The following CNIH4 variants were observed in gnomAD, a reference collection of about 807,000 sequenced individuals.
The protein encoded by CNIH4 is protein cornichon homolog 4.
CNIH4 carries 9 observed loss-of-function variants against 21.5 expected under a neutral mutation model. The observed-to-expected ratio is 0.42, with a 90% CI of 0.25 to 0.73. CNIH4 has a LOEUF of 0.73. Among genes scored for constraint, CNIH4 ranks in the 30% least tolerant of loss-of-function variants. CNIH4 has a pLI of 0.27. For synonymous variants in CNIH4, 67 were observed against 59.1 expected (o/e 1.13, Z -0.61); for missense variants, 159 against 170.0 (o/e 0.94, Z 0.36).
At chr1:224,362,015 T>C (rs1460859167) in intron 2 of CNIH4, among the ~76,000 whole-genome samples, 1 of 152,226 alleles carries the variant, frequency 6.6e-6, no homozygotes, top group Admixed American at 6.5e-5. Flanking sequence ...AGATTTTTCT[T>C]TCAGAATTTT....
intron 3 of CNIH4, among the ~76,000 whole-genome samples, chr1:224,368,987 T>A (rs577177385): frequency 7.2e-5 from 11 of 151,920 alleles, no homozygotes; most frequent in African/African-American, 2.2e-4. Flanking sequence ...AGTATACAGC[T>A]GTAGAGTTCC....
chr1:224,358,870 A>G (rs1192156782), intron 1 of CNIH4, among the ~76,000 whole-genome samples: 1 of 152,234 alleles, frequency 6.6e-6, no homozygotes, highest in East Asian at 1.9e-4. Context: ...TTTTGATGAA[A>G]TTCAGCATAT....
Position 224,376,410 on chromosome 1 carries a change from C to T in CNIH4, c.*588C>T. 1 of 985,264 alleles carries T rather than the reference C, an allele frequency of 1.0e-6. No individual in the cohort carries two copies. Among genetic ancestry groups the T allele is most frequent in the Non-Finnish European group, 1.2e-6 (1 of 829,872 alleles). 61.0% of individuals were successfully genotyped at this position (985,264 alleles called of 1,614,324 possible). On this transcript the variant is annotated 3_prime_UTR_variant, in exon 5 of 5. Coordinates refer to ENST00000465271, the MANE Select transcript of CNIH4 (RefSeq NM_014184.4). ...TGTGAAACCTTATAAGCCATTTTCCCCAGGTACAATGTAGTTCCTGCTGAT... is the reference window on the plus strand; with the variant it reads ...TGTGAAACCTTATAAGCCATTTTCCTCAGGTACAATGTAGTTCCTGCTGAT...
Position 224,360,519 on chromosome 1 carries a change from T to C in CNIH4, c.94T>C (p.Cys32Arg). The C allele has an allele frequency of 6.8e-7, 1 of 1,466,468 alleles. No individual in the cohort carries two copies. The highest frequency in any genetic ancestry group is 1.4e-5 in the South Asian group (1 of 72,932). The allele number at this position is 1,466,468 out of a possible 1,614,324, so 90.8% of individuals were successfully genotyped here. Residue 32 changes from cysteine to arginine, a missense_variant, in exon 2 of 5, where the codon TGT (cysteine) becomes CGT (arginine). Coordinates refer to ENST00000465271, the MANE Select transcript of CNIH4 (RefSeq NM_014184.4). ...GATAATTACATTGTCTGATTTAGAA[T>C]GTGATTACATTAATGCTAGATCATG... is the stretch of plus-strand genomic sequence containing the variant. ...YFIITLSDLECDYINARSCCS... is the reference protein window; with the variant it reads ...YFIITLSDLERDYINARSCCS...
Position 224,363,247 on chromosome 1 carries a change from T to C in CNIH4, c.139-2632T>C, listed in dbSNP as rs1176184395. Among the ~76,000 whole-genome samples the C allele has an allele frequency of 3.9e-5, 6 of 152,020 alleles. No individual in the cohort carries two copies. The South Asian group carries it at 1.2e-3, about 32-fold the overall frequency. On this transcript the variant is annotated intron_variant, in intron 2 of 4. Transcript: ENST00000465271. ...TTAATAGAGATGAAGTCTCGCCACG[T>C]TGGCCAGGCTGGTCTCCGACTCCTG...
intron 4 of CNIH4, 54 bp from the exon 5 acceptor site, chr1:224,375,741 C>T: frequency 6.2e-7 from 1 of 1,609,134 alleles, no homozygotes; most frequent in South Asian, 1.1e-5. Context: ...AAACCAGGCT[C>T]TGTAGGAACA....
chr1:224,373,321 G>A (rs1330935691), intron 4 of CNIH4, among the ~76,000 whole-genome samples: 3 of 152,130 alleles, frequency 2.0e-5, no homozygotes, highest in Non-Finnish European at 2.9e-5. Context: ...CTTAGCTAAG[G>A]TTATCCTTTC....
chr1:224,373,479 A>G (rs1672692260), intron 4 of CNIH4, among the ~76,000 whole-genome samples: 1 of 152,020 alleles, frequency 6.6e-6, no homozygotes, highest in African/African-American at 2.4e-5. Flanking sequence ...GTAGACTCAA[A>G]GTCTTAGGAT....
chr1:224,366,949 G>A (rs1318401241), intron 3 of CNIH4, among the ~76,000 whole-genome samples: 12 of 149,152 alleles, frequency 8.0e-5, no homozygotes, highest in Non-Finnish European at 1.6e-4. Context: ...GCGACAGAGC[G>A]AGACTCCGTC....
rs199727433 is a variant in CNIH4 at position 224,375,865 on chromosome 1, A to G, written c.*43A>G. On this transcript the variant is annotated 3_prime_UTR_variant, in exon 5 of 5. Transcript: ENST00000465271. Reference sequence around the variant, plus strand: ...TTGAAGTCAGCCTACACTACAGTGCACAGTTGAGGAGCCAGAGACTTCTTA... The same window carrying G: ...TTGAAGTCAGCCTACACTACAGTGCGCAGTTGAGGAGCCAGAGACTTCTTA... The G allele has an allele frequency of 5.1e-5, 82 of 1,611,568 alleles. No homozygotes were observed. The highest frequency in any genetic ancestry group is 4.0e-4 in the Admixed American group (24 of 59,820).
At position 224,368,958 on chromosome 1, in the gene CNIH4, A is replaced by T. The variant is rs1361112154; in HGVS notation, c.252-2325A>T. ...AAAAATACCAAAAACTGTCTTTGAT[A>T]TTTTTTTCCTGCCCTAGTAGTATAC... On this transcript the variant is annotated intron_variant, in intron 3 of 4. Coordinates refer to ENST00000465271, the MANE Select transcript of CNIH4 (RefSeq NM_014184.4). Among the ~76,000 whole-genome samples the T allele has an allele frequency of 6.5e-5, 9 of 138,230 alleles. No individual in the cohort carries two copies. The East Asian group carries it at 8.4e-4, about 13-fold the overall frequency. The allele number at this position is 138,230 out of a possible 152,430, so 90.7% of individuals were successfully genotyped here. A position where few individuals can be genotyped will look rare whatever the true frequency, so the allele number is the denominator to read the frequency against.
intron 3 of CNIH4, among the ~76,000 whole-genome samples, chr1:224,367,005 A>AT (rs1235446004): frequency 6.6e-6 from 1 of 151,914 alleles, no homozygotes; most frequent in Non-Finnish European, 1.5e-5. Context: ...ACTAATCAAA[A>AT]TTTTTTATTT....
At chr1:224,373,516 T>C (rs1371748127) in intron 4 of CNIH4, among the ~76,000 whole-genome samples, 2 of 152,084 alleles carry the variant, frequency 1.3e-5, no homozygotes, top group Non-Finnish European at 2.9e-5. Flanking sequence ...GTTTCTGAAC[T>C]CTTAGTCGTA....
intron 1 of CNIH4, 24 bp from the exon 2 acceptor site, chr1:224,360,471 A>G (rs775617795): frequency 6.7e-5 from 79 of 1,187,868 alleles, no homozygotes; most frequent in Middle Eastern, 5.2e-4. Context: ...AAGAAATATA[A>G]TAATTCCTTA....
intron 2 of CNIH4, among the ~76,000 whole-genome samples, chr1:224,363,401 G>C (rs1672357921): frequency 6.6e-6 from 1 of 152,156 alleles, no homozygotes; most frequent in African/African-American, 2.4e-5. Flanking sequence ...TTTTTAAGAG[G>C]TTTTTATTCT....
chr1:224,361,655 T>G (rs1672292040), intron 2 of CNIH4, among the ~76,000 whole-genome samples: 1 of 151,912 alleles, frequency 6.6e-6, no homozygotes, highest in Non-Finnish European at 1.5e-5. Flanking sequence ...CGATCATGGC[T>G]CACTGCAGCC....
In CNIH4 at chr1:224,378,419, G is replaced by GT. The variant is rs1292256909; in HGVS notation, c.*2600dup. 1 of 152,296 alleles carries GT rather than the reference G, an allele frequency of 6.6e-6. No homozygotes were observed. The highest frequency in any genetic ancestry group is 6.5e-5 in the Admixed American group (1 of 15,278). 9.4% of individuals were successfully genotyped at this position (152,296 alleles called of 1,614,324 possible). A position where few individuals can be genotyped will look rare whatever the true frequency, so the allele number is the denominator to read the frequency against. On this transcript the variant is annotated 3_prime_UTR_variant, in exon 5 of 5. Coordinates refer to ENST00000465271, the MANE Select transcript of CNIH4 (RefSeq NM_014184.4). ...AAAAGCACTGACTTTAAAAAGCCAT[G>GT]TTTAAGATGCTATAAATGTTCTCCC...
chr1:224,372,457 GT>G (rs1282144519), intron 4 of CNIH4, among the ~76,000 whole-genome samples: 1 of 152,088 alleles, frequency 6.6e-6, no homozygotes, highest in Non-Finnish European at 1.5e-5. Context: ...CCTAGGTAGA[GT>G]TTAATTTTTC....
chr1:224,360,477 CCTTAT>C lies in CNIH4; in HGVS notation c.70-14_70-10del. 1 of 1,225,666 alleles carries C rather than the reference CCTTAT, an allele frequency of 8.2e-7. No homozygotes were observed. Among genetic ancestry groups the C allele is most frequent in the Non-Finnish European group, 1.1e-6 (1 of 889,058 alleles). 75.9% of individuals were successfully genotyped at this position (1,225,666 alleles called of 1,614,324 possible). ...TTATTATAAAAGAAATATAATAATT[CCTTAT>C]CTTGATCATCAGATAATTACATTGT... On this transcript the variant is annotated splice_polypyrimidine_tract_variant and intron_variant, in intron 1 of 4. Coordinates refer to ENST00000465271, the MANE Select transcript of CNIH4 (RefSeq NM_014184.4).
Sources: allele counts gnomAD v4.1 joint callset (sites outside exome capture counted in the v4.1 genomes callset), GRCh38; gene constraint gnomAD v4.1.1; transcripts MANE v1.5; gene names NCBI Gene and HGNC (gene_info 2026-07-23, HGNC 2026-07-21).